Variants in PGBD2 observed in about 807,000 individuals in gnomAD.
The protein encoded by PGBD2 is piggyBac transposable element derived 2.
A neutral mutation model predicts 8.1 loss-of-function variants in PGBD2; 6 were observed. The observed-to-expected ratio is 0.74, with a 90% confidence interval of 0.40 to 1.46. The LOEUF is 1.46. Ranked by LOEUF, PGBD2 falls within the 40% of genes most tolerant of loss-of-function variation. The probability of loss-of-function intolerance (pLI) is 0.02; values close to 1 mark genes in which losing one functional copy is unlikely to be tolerated. For missense variants in PGBD2, 802 were observed against 739.0 expected (o/e 1.09, Z -0.99); for synonymous variants, 318 against 272.2 (o/e 1.17, Z -1.66).
chr1:248,918,028 T>G lies in PGBD2; in HGVS notation c.1444T>G (p.Trp482Gly). The G allele has an allele frequency of 6.2e-7, 1 of 1,614,102 alleles. No individual in the cohort carries two copies. The highest frequency in any genetic ancestry group is 8.5e-7 in the Non-Finnish European group (1 of 1,180,014). Residue 482 changes from tryptophan to glycine, a missense_variant, in exon 3 of 3, where the codon TGG becomes GGG. By Grantham distance (184) the Trp-to-Gly change is radical (BLOSUM62 -2). Transcript: ENST00000329291. ...CAAGGTGAAGATCCGAGGCATGAAG[T>G]GGTACTCAAGCTTTATTGGCTATGT... ...KYKVKIRGMK[W>G]YSSFIGYVID...
At chr1:248,897,137 T>C in the PGBD2 span, among the ~76,000 whole-genome samples, 1 of 152,104 alleles carries the variant, frequency 6.6e-6, no homozygotes, top group Non-Finnish European at 1.5e-5. Context: ...AGCATGCTTA[T>C]GCTGGTCCAA....
At chr1:248,910,523 A>C (rs988606026) in intron 1 of PGBD2, among the ~76,000 whole-genome samples, 1 of 152,226 alleles carries the variant, frequency 6.6e-6, no homozygotes, top group Non-Finnish European at 1.5e-5. Context: ...GTGACTTTCC[A>C]AAATCGCACA....
downstream of PGBD2, among the ~76,000 whole-genome samples, chr1:248,924,421 G>C (rs756223549): frequency 6.6e-6 from 1 of 152,146 alleles, no homozygotes; most frequent in Non-Finnish European, 1.5e-5. Flanking sequence ...ATCTACAGTA[G>C]AAGATATTTT....
chr1:248,911,663 C>T (rs1370441003), intron 1 of PGBD2, among the ~76,000 whole-genome samples: 1 of 149,046 alleles, frequency 6.7e-6, no homozygotes, highest in East Asian at 1.9e-4. Flanking sequence ...GCTGGCCGGG[C>T]AGAGGGGCTC....
the PGBD2 span, among the ~76,000 whole-genome samples, chr1:248,884,429 C>T: frequency 2.6e-5 from 4 of 152,034 alleles, no homozygotes; most frequent in East Asian, 1.9e-4. Flanking sequence ...CAACCTTCGC[C>T]TCCTGGGTCC....
At chr1:248,921,471 C>G (rs1267788403), downstream of PGBD2, among the ~76,000 whole-genome samples, 1 of 152,124 alleles carries the variant, frequency 6.6e-6, no homozygotes, top group Non-Finnish European at 1.5e-5. Flanking sequence ...TTTCTGAGGT[C>G]TCTATTCTGT....
the PGBD2 span, among the ~76,000 whole-genome samples, chr1:248,926,960 A>G: frequency 2.0e-5 from 3 of 152,216 alleles, no homozygotes; most frequent in African/African-American, 4.8e-5. Flanking sequence ...CATACTGGAC[A>G]AATGTCTCAG....
the PGBD2 span, among the ~76,000 whole-genome samples, chr1:248,886,437 T>C: frequency 6.6e-6 from 1 of 152,240 alleles, no homozygotes; most frequent in Non-Finnish European, 1.5e-5. Context: ...TCAGAGCTCC[T>C]TCAGAGATCA....
At chr1:248,896,022 C>G in the PGBD2 span, among the ~76,000 whole-genome samples, 3 of 152,016 alleles carry the variant, frequency 2.0e-5, no homozygotes, top group African/African-American at 4.8e-5. Flanking sequence ...CCCCTCCGAC[C>G]CTTCCCCCGC....
upstream of PGBD2, among the ~76,000 whole-genome samples, chr1:248,905,234 A>C (rs1314318767): frequency 6.6e-6 from 1 of 152,042 alleles, no homozygotes; most frequent in African/African-American, 2.4e-5. Flanking sequence ...TACAGTGACC[A>C]AAAAACCTTT....
upstream of PGBD2, among the ~76,000 whole-genome samples, chr1:248,903,853 ACTT>A (rs1661575568): frequency 6.6e-6 from 1 of 152,140 alleles, no homozygotes; most frequent in African/African-American, 2.4e-5. Context: ...GCTGTCAAAA[ACTT>A]TAATGTAGTC....
the PGBD2 span, among the ~76,000 whole-genome samples, chr1:248,878,466 C>T: frequency 5.3e-5 from 8 of 152,158 alleles, no homozygotes; most frequent in South Asian, 2.1e-4. Flanking sequence ...CGTGAGCCAC[C>T]GCACCTGCTT....
chr1:248,888,402 G>C, the PGBD2 span, among the ~76,000 whole-genome samples: 1 of 152,156 alleles, frequency 6.6e-6, no homozygotes, highest in Non-Finnish European at 1.5e-5. Flanking sequence ...AGCCTTGCCA[G>C]CATCTGTTAT....
chr1:248,878,858 C>G, the PGBD2 span, among the ~76,000 whole-genome samples: 1 of 152,124 alleles, frequency 6.6e-6, no homozygotes, highest in African/African-American at 2.4e-5. Flanking sequence ...CTATGCCAGT[C>G]TCTGTATATG....
intron 2 of PGBD2, chr1:248,914,694 T>G: frequency 1.0e-6 from 1 of 957,182 alleles, no homozygotes; most frequent in Non-Finnish European, 1.4e-6. Flanking sequence ...CCATGCTGAG[T>G]CCATTCTCAT....
At chr1:248,874,500 C>T in the PGBD2 span, among the ~76,000 whole-genome samples, 24 of 152,162 alleles carry the variant, frequency 1.6e-4, no homozygotes, top group African/African-American at 5.8e-4. Flanking sequence ...AGTGTCTTTA[C>T]TCATGATATC....
downstream of PGBD2, among the ~76,000 whole-genome samples, chr1:248,924,065 C>G (rs1662338476): frequency 6.6e-6 from 1 of 152,232 alleles, no homozygotes; most frequent in South Asian, 2.1e-4. Context: ...GGGTGAATCT[C>G]AGTTCCCCAA....
chr1:248,913,561 C>T (rs1377254162), intron 1 of PGBD2, among the ~76,000 whole-genome samples: 2 of 152,172 alleles, frequency 1.3e-5, no homozygotes, highest in Non-Finnish European at 2.9e-5. Flanking sequence ...TCCTAGAATG[C>T]AGTGGAAAGC....
chr1:248,907,973 C>A (rs538327433), intron 1 of PGBD2, among the ~76,000 whole-genome samples: 1 of 152,088 alleles, frequency 6.6e-6, no homozygotes, highest in East Asian at 1.9e-4. Flanking sequence ...TAATTTTTAT[C>A]TTGAATTAAT....
Sources: allele counts gnomAD v4.1 joint callset (sites outside exome capture counted in the v4.1 genomes callset), GRCh38; gene constraint gnomAD v4.1.1; transcripts MANE v1.5; gene names NCBI Gene and HGNC (gene_info 2026-07-23, HGNC 2026-07-21).